LGSN: variants seen among roughly 807,000 people sequenced by gnomAD.
LGSN encodes the protein lengsin, lens protein with glutamine synthetase domain.
Under a neutral mutation model 19.5 loss-of-function variants are expected in LGSN, and 21 were observed. That is an observed-to-expected ratio of 1.07 (90% CI 0.76 to 1.55). The LOEUF (loss-of-function observed/expected upper bound fraction) is 1.55, where lower values mean the gene tolerates loss of function less well. Among genes scored for constraint, LGSN ranks in the 40% most tolerant of loss-of-function variants. The pLI, the probability that LGSN is intolerant of heterozygous loss-of-function variation, is 0.00. For synonymous variants in LGSN, 257 were observed against 215.6 expected, an observed-to-expected ratio of 1.19 and a Z score of -1.68; for missense variants, 673 against 608.5, an observed-to-expected ratio of 1.11 and a Z score of -1.12.
At chr6:63,323,681 T>A (rs1181168957), upstream of LGSN, among the ~76,000 whole-genome samples, 1 of 149,868 alleles carries the variant, frequency 6.7e-6, no homozygotes, top group African/African-American at 2.5e-5. Context: ...ATAAATAGCA[T>A]TTTTTATAGA....
chr6:63,547,025 T>C, the LGSN span, among the ~76,000 whole-genome samples: 298 of 152,262 alleles, frequency 2.0e-3, 8 homozygotes, highest in Non-Finnish European at 6.2e-4. Context: ...TGGATTATAG[T>C]AGTGATAGAT....
At chr6:63,560,658 C>A in the LGSN span, among the ~76,000 whole-genome samples, 4 of 152,070 alleles carry the variant, frequency 2.6e-5, no homozygotes, top group East Asian at 7.7e-4. Flanking sequence ...CCCACCTCAG[C>A]CTCCCAAAAT....
chr6:63,386,123 G>A, the LGSN span, among the ~76,000 whole-genome samples: 1 of 152,076 alleles, frequency 6.6e-6, no homozygotes, highest in African/African-American at 2.4e-5. Flanking sequence ...GAGATTTAAG[G>A]ATTTATAAAA....
chr6:63,501,034 G>A, the LGSN span, among the ~76,000 whole-genome samples: 1 of 151,948 alleles, frequency 6.6e-6, no homozygotes, highest in Non-Finnish European at 1.5e-5. Context: ...TGACTGACAG[G>A]TTATTTCAAA....
At chr6:63,412,513 A>AGAAAGAAAGAAG in the LGSN span, among the ~76,000 whole-genome samples, 388 of 113,708 alleles carry the variant, frequency 3.4e-3, 1 homozygote, top group East Asian at 8.4e-3. Flanking sequence ...AAAGAAAGAA[A>AGAAAGAAAGAAG]GAAAGAAAGA....
chr6:63,533,679 G>A, the LGSN span, among the ~76,000 whole-genome samples: 1 of 152,220 alleles, frequency 6.6e-6, no homozygotes, highest in African/African-American at 2.4e-5. Flanking sequence ...TTACTTGGGA[G>A]GACAGGATTA....
the LGSN span, among the ~76,000 whole-genome samples, chr6:63,505,621 G>GAAATAAATAAAT: frequency 8.0e-4 from 78 of 97,912 alleles, 7 homozygotes; most frequent in African/African-American, 2.4e-3. Flanking sequence ...AAGAAAGAAA[G>GAAATAAATAAAT]AAAGAAAGAA....
At chr6:63,364,238 AC>A in the LGSN span, among the ~76,000 whole-genome samples, 1 of 151,118 alleles carries the variant, frequency 6.6e-6, no homozygotes, top group African/African-American at 2.5e-5. Context: ...AGGAAGATCT[AC>A]CAAGCAAACG....
chr6:63,336,211 A>AT, the LGSN span, among the ~76,000 whole-genome samples: 2 of 152,158 alleles, frequency 1.3e-5, no homozygotes, highest in Admixed American at 1.3e-4. Flanking sequence ...AATGTTTTGT[A>AT]TTTTTTTAAA....
At chr6:63,360,489 G>T in the LGSN span, among the ~76,000 whole-genome samples, 1 of 152,198 alleles carries the variant, frequency 6.6e-6, no homozygotes, top group African/African-American at 2.4e-5. Context: ...CATAGTTCTC[G>T]TGTCATGGTT....
At chr6:63,336,752 C>T in the LGSN span, among the ~76,000 whole-genome samples, 4 of 149,874 alleles carry the variant, frequency 2.7e-5, no homozygotes, top group Middle Eastern at 3.3e-3. Context: ...CAGCATCCCG[C>T]GTAGTAGCTG....
rs1767217200 is a variant in LGSN at position 63,279,805 on chromosome 6, G to A, written c.*216C>T. 1 of 449,788 alleles carries A rather than the reference G, an allele frequency of 2.2e-6. No homozygotes were observed. Among genetic ancestry groups the A allele is most frequent in the Non-Finnish European group, 3.9e-6 (1 of 253,174 alleles). The allele number at this position is 449,788 out of a possible 1,614,324, so 27.9% of individuals were successfully genotyped here. On this transcript the variant is annotated 3_prime_UTR_variant, in exon 4 of 4. Coordinates refer to ENST00000370657, the MANE Select transcript of LGSN (RefSeq NM_016571.3). ...AGATCTGGTAAGTTTGCATATTATA[G>A]CTTCACCACAACTTTGTTGTTTGTT...
the LGSN span, among the ~76,000 whole-genome samples, chr6:63,420,194 CTGCGTCT>C: frequency 1.1e-4 from 17 of 149,630 alleles, no homozygotes; most frequent in Admixed American, 4.0e-4. Context: ...CAGACCGAGA[CTGCGTCT>C]CAAAAAAAAA....
the LGSN span, among the ~76,000 whole-genome samples, chr6:63,385,561 C>T: frequency 1.3e-5 from 2 of 152,194 alleles, no homozygotes; most frequent in Admixed American, 1.3e-4. Flanking sequence ...TCCTTTATTA[C>T]TCATCAGTTC....
At chr6:63,302,005 T>A (rs897808316) in intron 1 of LGSN, among the ~76,000 whole-genome samples, 2 of 152,134 alleles carry the variant, frequency 1.3e-5, no homozygotes, top group East Asian at 3.8e-4. Flanking sequence ...AAATTAACTC[T>A]TTTTTCCTTC....
At chr6:63,365,251 G>C in the LGSN span, among the ~76,000 whole-genome samples, 1 of 151,904 alleles carries the variant, frequency 6.6e-6, no homozygotes, top group Non-Finnish European at 1.5e-5. Context: ...GTGAGAAAGG[G>C]GATATCACCA....
At chr6:63,502,328 A>C in the LGSN span, among the ~76,000 whole-genome samples, 1,263 of 152,322 alleles carry the variant, frequency 8.3e-3, 5 homozygotes, top group Middle Eastern at 0.014. Flanking sequence ...TAATCCATTC[A>C]GTCTTTTCCT....
the LGSN span, among the ~76,000 whole-genome samples, chr6:63,495,572 C>CCCTA: frequency 6.8e-6 from 1 of 147,840 alleles, no homozygotes; most frequent in Non-Finnish European, 1.5e-5. Context: ...GCCTCAGCCT[C>CCCTA]CCTAGTACCT....
the LGSN span, among the ~76,000 whole-genome samples, chr6:63,567,454 G>A: frequency 1.3e-5 from 2 of 152,188 alleles, no homozygotes; most frequent in African/African-American, 2.4e-5. Flanking sequence ...TTGTCAAGGA[G>A]CAATAGTATT....
Sources: allele counts gnomAD v4.1 joint callset (sites outside exome capture counted in the v4.1 genomes callset), GRCh38; gene constraint gnomAD v4.1.1; transcripts MANE v1.5; gene names NCBI Gene and HGNC (gene_info 2026-07-23, HGNC 2026-07-21).